The following ITPKB variants were observed in gnomAD, a reference collection of about 807,000 sequenced individuals.
ITPKB encodes inositol-trisphosphate 3-kinase B.
A neutral mutation model predicts 69.4 loss-of-function variants in ITPKB; 13 were observed. That is an observed-to-expected ratio of 0.19 (90% confidence interval 0.12 to 0.30). The LOEUF is 0.30. Among genes scored for constraint, ITPKB ranks in the 10% least tolerant of loss-of-function variants. The pLI, the probability that ITPKB is intolerant of heterozygous loss-of-function variation, is 1.00. For missense variants in ITPKB, 1,240 were observed against 1,250.5 expected (o/e 0.99, Z 0.13); for synonymous variants, 584 against 513.7 (o/e 1.14, Z -1.85).
At chr1:226,704,434 G>A (rs1656754145) in intron 2 of ITPKB, among the ~76,000 whole-genome samples, 1 of 152,320 alleles carries the variant, frequency 6.6e-6, no homozygotes, top group African/African-American at 2.4e-5. Context: ...AAAGCTTCTC[G>A]TGTGTGCTAA....
At chr1:226,668,303 G>A (rs1161628767) in intron 2 of ITPKB, among the ~76,000 whole-genome samples, 1 of 152,160 alleles carries the variant, frequency 6.6e-6, no homozygotes, top group African/African-American at 2.4e-5. Context: ...TGCAAAGCCA[G>A]CCCCTGACAC....
intron 2 of ITPKB, among the ~76,000 whole-genome samples, chr1:226,659,178 C>T (rs1484372126): frequency 1.3e-5 from 2 of 152,138 alleles, no homozygotes; most frequent in Non-Finnish European, 2.9e-5. Context: ...AACTAGAGGC[C>T]TAGTTTCTAG....
chr1:226,689,317 G>A (rs1374525121), intron 2 of ITPKB, among the ~76,000 whole-genome samples: 1 of 152,204 alleles, frequency 6.6e-6, no homozygotes, highest in Non-Finnish European at 1.5e-5. Context: ...CACTGGGGCT[G>A]TGTTTTCTCA....
Position 226,729,351 on chromosome 1 carries a change from A to G in ITPKB, c.1932+6176T>C, listed in dbSNP as rs75076561. Among the ~76,000 whole-genome samples the G allele has an allele frequency of 2.6e-3, 390 of 151,762 alleles. 5 individuals carry two copies. The highest frequency in any genetic ancestry group is 4.6e-3 in the Non-Finnish European group (313 of 67,898). On this transcript the variant is annotated intron_variant, in intron 2 of 7. Transcript: ENST00000429204. ...ACAAAAATTATCCGGGCATGGTGGC[A>G]TGCGCCTGTAGTCCCAGCTATTCGG...
chr1:226,716,398 T>G (rs1451685920), intron 2 of ITPKB, among the ~76,000 whole-genome samples: 2 of 152,242 alleles, frequency 1.3e-5, no homozygotes, highest in African/African-American at 4.8e-5. Context: ...CTCTTTTTAT[T>G]TTCTTTTTAA....
At chr1:226,646,833 C>A (rs1272896057) in intron 4 of ITPKB, among the ~76,000 whole-genome samples, 1 of 152,168 alleles carries the variant, frequency 6.6e-6, no homozygotes, top group African/African-American at 2.4e-5. Context: ...GCTCCCCGCA[C>A]CCCCAGCGAT....
chr1:226,672,189 T>G (rs1315544272), intron 2 of ITPKB, among the ~76,000 whole-genome samples: 1 of 152,132 alleles, frequency 6.6e-6, no homozygotes, highest in Non-Finnish European at 1.5e-5. Context: ...CCCCTTTAAT[T>G]ATCAAACCCA....
At chr1:226,706,218 G>A (rs1244198357) in intron 2 of ITPKB, among the ~76,000 whole-genome samples, 2 of 152,230 alleles carry the variant, frequency 1.3e-5, no homozygotes, top group African/African-American at 4.8e-5. Flanking sequence ...GGGAAAGAAC[G>A]TGGTACCACA....
At chr1:226,657,683 T>C (rs916969874) in intron 2 of ITPKB, among the ~76,000 whole-genome samples, 46 of 152,212 alleles carry the variant, frequency 3.0e-4, no homozygotes, top group Non-Finnish European at 2.8e-4. Flanking sequence ...CTCACAACAC[T>C]GATATTGTTG....
At position 226,696,318 on chromosome 1, in the gene ITPKB, C is replaced by CGTGT. The variant is rs58448161; in HGVS notation, c.1932+39205_1932+39208dup. On this transcript the variant is annotated intron_variant, in intron 2 of 7. Coordinates refer to ENST00000429204, the MANE Select transcript of ITPKB (RefSeq NM_002221.4). ...ATATATATACACATATATAGATCTACGTGTGTGTGTGTGTGTGTGTGTATA... is the reference window on the plus strand; with the variant it reads ...ATATATATACACATATATAGATCTACGTGTGTGTGTGTGTGTGTGTGTGTGTATA... Among the ~76,000 whole-genome samples, 273 of 149,898 alleles carry CGTGT rather than the reference C, an allele frequency of 1.8e-3. 1 individual carries two copies. Among genetic ancestry groups the CGTGT allele is most frequent in the African/African-American group, 4.9e-3 (200 of 40,924 alleles).
rs1016931423 is a variant in ITPKB, at chr1:226,688,026, C to T, written c.1933-39255G>A. On this transcript the variant is annotated intron_variant, in intron 2 of 7. Transcript: ENST00000429204. ...CAGGATAAAGCTCCCAATTGCCCTA[C>T]GTTTTCCTTAGGAGAAATACACCCA... Among the ~76,000 whole-genome samples, 46 of 152,256 alleles carry T rather than the reference C, an allele frequency of 3.0e-4. 1 individual carries two copies. The highest frequency in any genetic ancestry group is 3.4e-3 in the Middle Eastern group (1 of 294).
intron 2 of ITPKB, among the ~76,000 whole-genome samples, chr1:226,653,647 G>C (rs1161414862): frequency 2.0e-5 from 3 of 152,222 alleles, no homozygotes; most frequent in African/African-American, 7.2e-5. Flanking sequence ...ATGTTCTTGA[G>C]GACACTTCGG....
At chr1:226,667,457 T>C (rs573756311) in intron 2 of ITPKB, among the ~76,000 whole-genome samples, 181 of 152,146 alleles carry the variant, frequency 1.2e-3, no homozygotes, top group African/African-American at 4.2e-3. Context: ...TAAGTAAGGG[T>C]TGCCTCACAC....
Position 226,736,462 on chromosome 1 carries a change from G to T in ITPKB, c.997C>A (p.Leu333Ile), listed in dbSNP as rs2102654381. The T allele has an allele frequency of 6.2e-7, 1 of 1,613,766 alleles. No individual in the cohort carries two copies. The highest frequency in any genetic ancestry group is 2.2e-5 in the East Asian group (1 of 44,888). Residue 333 changes from leucine to isoleucine, a missense_variant, in exon 2 of 8, where the codon CTT becomes ATT. By Grantham distance (5) the Leu-to-Ile change is conservative. Transcript: ENST00000429204. ...LTEPSGRARELEDLQPPEALV... is the reference protein window; with the variant it reads ...LTEPSGRAREIEDLQPPEALV... Reference sequence around the variant, plus strand: ...GCCTCTGGGGGCTGCAGGTCCTCAAGCTCACGGGCTCTCCCAGACGGCTCA... The same window carrying T: ...GCCTCTGGGGGCTGCAGGTCCTCAATCTCACGGGCTCTCCCAGACGGCTCA...
At chr1:226,737,900 G>C (rs2102656479) in intron 1 of ITPKB, among the ~76,000 whole-genome samples, 1 of 152,286 alleles carries the variant, frequency 6.6e-6, no homozygotes, top group South Asian at 2.1e-4. Context: ...GCTGCGATGC[G>C]CTTTATGAGG....
chr1:226,701,026 G>A (rs572872095), intron 2 of ITPKB, among the ~76,000 whole-genome samples: 1 of 152,318 alleles, frequency 6.6e-6, no homozygotes, highest in South Asian at 2.1e-4. Flanking sequence ...GTCTGAAACT[G>A]TTTCTATAGA....
At chr1:226,716,490 G>T (rs1366199113) in intron 2 of ITPKB, among the ~76,000 whole-genome samples, 1 of 152,124 alleles carries the variant, frequency 6.6e-6, no homozygotes, top group Non-Finnish European at 1.5e-5. Flanking sequence ...GTGCCATGGT[G>T]GTTTGCTGCA....
intron 2 of ITPKB, among the ~76,000 whole-genome samples, chr1:226,718,032 C>T (rs1000781535): frequency 2.6e-5 from 4 of 152,212 alleles, no homozygotes; most frequent in South Asian, 2.1e-4. Context: ...TGGTAGCTCA[C>T]GCCTGTAATC....
chr1:226,641,861 C>G lies in ITPKB; in HGVS notation c.2451+60G>C. 6 of 1,494,378 alleles carry G rather than the reference C, an allele frequency of 4.0e-6. No individual in the cohort carries two copies. Among genetic ancestry groups the G allele is most frequent in the Non-Finnish European group, 5.5e-6 (6 of 1,089,014 alleles). The allele number at this position is 1,494,378 out of a possible 1,614,324, so 92.6% of individuals were successfully genotyped here. ...AGCTTCCAAAGGGCGCTGAGAGAAG[C>G]CAAGCCCCCTGAGGTGGGCACGGGT... On this transcript the variant is annotated intron_variant, in intron 5 of 7. Transcript: ENST00000429204. The surrounding 1 kb of genome is among the most constrained non-coding windows in gnomAD (Gnocchi z 4.6).
Sources: allele counts gnomAD v4.1 joint callset (sites outside exome capture counted in the v4.1 genomes callset), GRCh38; gene constraint gnomAD v4.1.1; non-coding constraint Gnocchi (gnomAD v3.1); transcripts MANE v1.5; gene names NCBI Gene and HGNC (gene_info 2026-07-23, HGNC 2026-07-21).